SAMD3: variants seen among roughly 807,000 people sequenced by gnomAD.
The protein encoded by SAMD3 is sterile alpha motif domain-containing protein 3.
A neutral mutation model predicts 58.5 loss-of-function variants in SAMD3; 63 were observed. The observed-to-expected ratio is 1.08, with a 90% CI of 0.88 to 1.33. The LOEUF (loss-of-function observed/expected upper bound fraction) is 1.33. Ranked by LOEUF, SAMD3 falls within the 40% of genes most tolerant of loss-of-function variation. The pLI is 0.00. For synonymous variants in SAMD3, 220 were observed against 210.3 expected (o/e 1.05, Z -0.40); for missense variants, 604 against 608.4 (o/e 0.99, Z 0.08).
At chr6:130,349,296 T>G (rs1018199267) in intron 1 of SAMD3, among the ~76,000 whole-genome samples, 144 of 152,252 alleles carry the variant, frequency 9.5e-4, no homozygotes, top group African/African-American at 3.2e-3. Context: ...AGGAGATGGT[T>G]TTTTGAAAAG....
chr6:130,325,898 G>A (rs1235988484), intron 1 of SAMD3, among the ~76,000 whole-genome samples: 1 of 152,116 alleles, frequency 6.6e-6, no homozygotes, highest in Non-Finnish European at 1.5e-5. Flanking sequence ...AAGTTGACCG[G>A]CCTGGCTTTC....
intron 9 of SAMD3, among the ~76,000 whole-genome samples, chr6:130,154,513 G>A (rs1789555146): frequency 6.6e-6 from 1 of 151,512 alleles, no homozygotes; most frequent in Admixed American, 6.6e-5. Context: ...GGTCAAGATG[G>A]TGAAACCCCA....
intron 5 of SAMD3, among the ~76,000 whole-genome samples, chr6:130,194,965 G>T (rs1425554016): frequency 1.3e-5 from 2 of 152,060 alleles, no homozygotes. Flanking sequence ...TGTTTCCCTT[G>T]CCTCCATAAC....
At chr6:130,344,510 C>A (rs1162633907) in intron 1 of SAMD3, among the ~76,000 whole-genome samples, 1 of 152,216 alleles carries the variant, frequency 6.6e-6, no homozygotes, top group Admixed American at 6.5e-5. Context: ...GCCTCCTGAG[C>A]AGCTGGGATT....
chr6:130,232,245 A>C (rs1582984174), intron 2 of SAMD3, among the ~76,000 whole-genome samples: 2 of 152,260 alleles, frequency 1.3e-5, no homozygotes, highest in African/African-American at 2.4e-5. Flanking sequence ...ACAGTCTTAC[A>C]ATAGACTGAT....
At chr6:130,260,841 G>T (rs767044674) in intron 2 of SAMD3, among the ~76,000 whole-genome samples, 1 of 152,248 alleles carries the variant, frequency 6.6e-6, no homozygotes, top group African/African-American at 2.4e-5. Flanking sequence ...CACCGGGAAG[G>T]AACTGGTACT....
At chr6:130,205,902 C>A (rs1795044562) in intron 5 of SAMD3, among the ~76,000 whole-genome samples, 2 of 152,156 alleles carry the variant, frequency 1.3e-5, no homozygotes, top group Non-Finnish European at 2.9e-5. Flanking sequence ...ACACAAAAAT[C>A]ATACAGTAGG....
intron 1 of SAMD3, among the ~76,000 whole-genome samples, chr6:130,325,296 G>A (rs757787190): frequency 5.3e-5 from 8 of 152,162 alleles, no homozygotes; most frequent in African/African-American, 7.2e-5. Context: ...AGGAAGCTGT[G>A]TGAGGACAAA....
At chr6:130,244,943 A>G (rs1432630172) in intron 2 of SAMD3, among the ~76,000 whole-genome samples, 1 of 152,098 alleles carries the variant, frequency 6.6e-6, no homozygotes, top group Non-Finnish European at 1.5e-5. Context: ...TTCTAGGGGA[A>G]CATTGAAAAG....
intron 1 of SAMD3, among the ~76,000 whole-genome samples, chr6:130,348,496 G>A (rs1777534781): frequency 6.6e-6 from 1 of 152,060 alleles, no homozygotes; most frequent in Non-Finnish European, 1.5e-5. Context: ...ATTACATAAT[G>A]GTAAAGGGAT....
intron 7 of SAMD3, among the ~76,000 whole-genome samples, chr6:130,178,011 G>A (rs1791898481): frequency 6.6e-6 from 1 of 151,594 alleles, no homozygotes; most frequent in Non-Finnish European, 1.5e-5. Context: ...TTTCACTCTT[G>A]TTGCTCAGGC....
chr6:130,311,050 A>G (rs1370304989), intron 2 of SAMD3, among the ~76,000 whole-genome samples: 1 of 152,164 alleles, frequency 6.6e-6, no homozygotes, highest in Non-Finnish European at 1.5e-5. Context: ...AGGGCTGAAT[A>G]GAGAGTAAAG....
intron 3 of SAMD3, 67 bp from the exon 4 acceptor site, chr6:130,214,593 C>T: frequency 7.3e-6 from 8 of 1,103,366 alleles, no homozygotes; most frequent in Non-Finnish European, 8.8e-6. Flanking sequence ...TCTGAAGAGG[C>T]AAAATTACCT....
At chr6:130,350,754 A>C (rs544218532) in intron 1 of SAMD3, among the ~76,000 whole-genome samples, 1 of 152,300 alleles carries the variant, frequency 6.6e-6, no homozygotes, top group South Asian at 2.1e-4. Context: ...AAAAGAGCCC[A>C]CATTGCCAAG....
rs73611643 is a variant in SAMD3, at chr6:130,364,873, T to C, written c.-304+247A>G. 8.0e-3 allele frequency among the ~76,000 whole-genome samples: 1,218 copies of C among 151,482 alleles called. 15 individuals carry two copies. The highest frequency in any genetic ancestry group is 0.028 in the African/African-American group (1,160 of 41,254). On this transcript the variant is annotated intron_variant, in intron 1 of 13. Coordinates refer to the SAMD3 transcript ENST00000368134. Reference sequence around the variant, plus strand: ...TTTTTCTAATGTGGAAATTTTTGCATGGCTCTCCCCCACCCCCCAAACACG... The same window carrying C: ...TTTTTCTAATGTGGAAATTTTTGCACGGCTCTCCCCCACCCCCCAAACACG...
intron 9 of SAMD3, among the ~76,000 whole-genome samples, chr6:130,147,431 G>C (rs1157213958): frequency 6.6e-6 from 1 of 152,198 alleles, no homozygotes; most frequent in Non-Finnish European, 1.5e-5. Flanking sequence ...TGAAGGGAAG[G>C]ATGAAGGAGG....
intron 1 of SAMD3, among the ~76,000 whole-genome samples, chr6:130,332,563 T>C (rs1364882303): frequency 3.3e-5 from 5 of 152,320 alleles, no homozygotes; most frequent in South Asian, 2.1e-4. Context: ...TTGAATAACA[T>C]GCTGACAGCT....
chr6:130,241,059 C>G (rs1392883327), intron 2 of SAMD3, among the ~76,000 whole-genome samples: 3 of 152,110 alleles, frequency 2.0e-5, no homozygotes, highest in Non-Finnish European at 2.9e-5. Context: ...CCAGTAGCCC[C>G]TGGCCAAAGG....
At chr6:130,321,785 A>T (rs1200095638) in intron 1 of SAMD3, among the ~76,000 whole-genome samples, 16 of 152,116 alleles carry the variant, frequency 1.1e-4, no homozygotes, top group Non-Finnish European at 7.4e-5. Context: ...TATCCATTAC[A>T]TATTTGACAC....
Sources: gnomAD v4.1 joint callset for allele counts (sites outside exome capture counted in the v4.1 genomes callset) on GRCh38, gnomAD v4.1.1 for gene constraint, MANE v1.5 for transcripts, NCBI Gene and HGNC (gene_info 2026-07-23, HGNC 2026-07-21) for gene names.